The following DLG2 variants were observed in gnomAD, a reference collection of about 807,000 sequenced individuals.
DLG2 encodes disks large homolog 2.
In DLG2, 45 loss-of-function variants were observed where a neutral mutation model predicts 132.5. That is an observed-to-expected ratio of 0.34 (90% confidence interval 0.27 to 0.44). The LOEUF is 0.44. Ranked by LOEUF, DLG2 falls within the 20% of genes least tolerant of loss-of-function variation. The probability of loss-of-function intolerance (pLI) is 1.00; values close to 1 mark genes in which losing one functional copy is unlikely to be tolerated. For missense variants in DLG2, 1,045 were observed against 1,196.9 expected (o/e 0.87, Z 1.87); for synonymous variants, 424 against 419.6 (o/e 1.01, Z -0.13).
At chr11:84,936,556 A>C (rs2048770108) in intron 6 of DLG2, 1 of 152,128 alleles carries the variant, frequency 6.6e-6, no homozygotes, top group Non-Finnish European at 1.5e-5. Flanking sequence ...TGTGCAATAT[A>C]ATACAATTCT....
At chr11:85,418,279 C>A (rs1351079968) in intron 3 of DLG2, among the ~76,000 whole-genome samples, 1 of 152,184 alleles carries the variant, frequency 6.6e-6, no homozygotes, top group Non-Finnish European at 1.5e-5. Flanking sequence ...ATTCTGAGTT[C>A]TAATTTGATT....
In DLG2 at chr11:84,205,397, A is replaced by G. The variant is rs148599642; in HGVS notation, c.574-41886T>C. ...ACTATTGACCAAATTGGCACTATATATATTATAGAACACTCAGTATATGCA... is the reference window on the plus strand; with the variant it reads ...ACTATTGACCAAATTGGCACTATATGTATTATAGAACACTCAGTATATGCA... On this transcript the variant is annotated intron_variant, in intron 8 of 27. Transcript: ENST00000376104. Among the ~76,000 whole-genome samples, 359 of 152,282 alleles carry G rather than the reference A, an allele frequency of 2.4e-3. 1 individual carries two copies. The highest frequency in any genetic ancestry group is 8.1e-3 in the African/African-American group (338 of 41,568).
intron 6 of DLG2, among the ~76,000 whole-genome samples, chr11:84,966,120 TA>T (rs1352406559): frequency 2.0e-5 from 3 of 151,798 alleles, no homozygotes; most frequent in African/African-American, 7.3e-5. Context: ...GTAGCAAGAG[TA>T]AAGGTTACTC....
intron 14 of DLG2, among the ~76,000 whole-genome samples, chr11:83,962,350 C>T (rs894113427): frequency 1.3e-5 from 2 of 152,022 alleles, no homozygotes; most frequent in African/African-American, 2.4e-5. Flanking sequence ...TATGCCAGGT[C>T]GTCACCTTGG....
intron 4 of DLG2, among the ~76,000 whole-genome samples, chr11:85,170,454 G>T (rs896139577): frequency 3.3e-5 from 5 of 152,148 alleles, no homozygotes; most frequent in Admixed American, 3.3e-4. Context: ...GAGTAATTCT[G>T]CTTTCTATGA....
chr11:83,887,268 T>A (rs969287617), intron 15 of DLG2, among the ~76,000 whole-genome samples: 2 of 151,642 alleles, frequency 1.3e-5, no homozygotes, highest in African/African-American at 4.9e-5. Flanking sequence ...AAAGGGGATA[T>A]CACCACCGAT....
intron 6 of DLG2, among the ~76,000 whole-genome samples, chr11:84,974,582 G>C (rs1326481358): frequency 6.6e-6 from 1 of 152,162 alleles, no homozygotes; most frequent in Non-Finnish European, 1.5e-5. Flanking sequence ...AGAAAACTTT[G>C]CATGAACAAG....
chr11:83,759,218 A>T (rs1462109165), intron 18 of DLG2, among the ~76,000 whole-genome samples: 1 of 152,216 alleles, frequency 6.6e-6, no homozygotes, highest in Non-Finnish European at 1.5e-5. Context: ...TGGAAGCTTT[A>T]TAGAGGAGGG....
rs370833512 is a variant in DLG2 at position 83,844,993 on chromosome 11, C to T, written c.1566-11223G>A. 3.9e-5 allele frequency among the ~76,000 whole-genome samples: 6 copies of T among 152,018 alleles called. No individual in the cohort carries two copies. The East Asian group carries it at 9.6e-4, about 24-fold the overall frequency. On this transcript the variant is annotated intron_variant, in intron 16 of 27. Transcript: ENST00000376104. ...TGGTATCTTGAGTAGTTACATTTTG[C>T]ATCATATATTAAAAACATGGTATTA... is the stretch of plus-strand genomic sequence containing the variant.
At chr11:84,813,842 C>T (rs532457448) in intron 6 of DLG2, among the ~76,000 whole-genome samples, 1 of 133,408 alleles carries the variant, frequency 7.5e-6, no homozygotes, top group Non-Finnish European at 1.7e-5. Context: ...CTTCTCAGTA[C>T]CCCAGTGTTA....
chr11:85,130,624 C>A (rs2075619250), intron 5 of DLG2, among the ~76,000 whole-genome samples: 1 of 152,128 alleles, frequency 6.6e-6, no homozygotes, highest in South Asian at 2.1e-4. Flanking sequence ...TTCTGTAAAG[C>A]AATAATTGAA....
At chr11:85,544,839 G>C (rs992106310) in intron 3 of DLG2, among the ~76,000 whole-genome samples, 4 of 151,966 alleles carry the variant, frequency 2.6e-5, no homozygotes, top group Admixed American at 2.6e-4. Context: ...CATTGATTTT[G>C]TATCAATCAA....
intron 18 of DLG2, chr11:83,643,596 A>C (rs2067225194): frequency 6.6e-6 from 1 of 152,176 alleles, no homozygotes; most frequent in Non-Finnish European, 1.5e-5. Flanking sequence ...TATAAAAATC[A>C]TGGAGCCAGG....
chr11:84,594,765 T>G (rs779830724), intron 6 of DLG2, among the ~76,000 whole-genome samples: 2 of 152,212 alleles, frequency 1.3e-5, no homozygotes, highest in Non-Finnish European at 2.9e-5. Flanking sequence ...ACTGGAGACC[T>G]GCCACAGAGG....
intron 14 of DLG2, 145 bp from the exon 15 acceptor site, chr11:83,930,628 C>G: frequency 1.2e-6 from 1 of 821,408 alleles, no homozygotes; most frequent in Non-Finnish European, 1.8e-6. Flanking sequence ...CAATTTTCCA[C>G]TTGTAACTTT....
chr11:84,294,448 A>G (rs2098059062), intron 7 of DLG2, among the ~76,000 whole-genome samples: 2 of 151,994 alleles, frequency 1.3e-5, no homozygotes, highest in African/African-American at 4.8e-5. Flanking sequence ...AAATACAAAA[A>G]TAAGAAGGGT....
chr11:84,101,455 T>C (rs902423661), intron 9 of DLG2, among the ~76,000 whole-genome samples: 5 of 152,286 alleles, frequency 3.3e-5, no homozygotes, highest in East Asian at 1.9e-4. Flanking sequence ...GCATTTCGTA[T>C]GCAACTGACT....
In DLG2 at chr11:83,982,030, T is replaced by C. The variant is rs1454897798; in HGVS notation, c.920-1388A>G. On this transcript the variant is annotated intron_variant, in intron 11 of 27. Coordinates refer to ENST00000376104, the MANE Select transcript of DLG2 (RefSeq NM_001142699.3). ...TGACATCATAGTCATTGTAACATCATAGCATAATGATTACTAAGGTGTTTG... is the reference window on the plus strand; with the variant it reads ...TGACATCATAGTCATTGTAACATCACAGCATAATGATTACTAAGGTGTTTG... Among the ~76,000 whole-genome samples, 9 of 152,294 alleles carry C rather than the reference T, an allele frequency of 5.9e-5. No homozygotes were observed. In the South Asian group the frequency reaches 8.3e-4, roughly 14 times the overall value.
rs1232514941 is a variant in DLG2 at position 85,534,370 on chromosome 11, G to T, written c.40+64287C>A. 3.3e-5 allele frequency among the ~76,000 whole-genome samples: 5 copies of T among 151,652 alleles called. No homozygotes were observed. The South Asian group carries it at 8.3e-4, about 25-fold the overall frequency. On this transcript the variant is annotated intron_variant, in intron 3 of 27. Coordinates refer to ENST00000376104, the MANE Select transcript of DLG2 (RefSeq NM_001142699.3). ...AATTTTTTTTAATTTTAGATTTGGG[G>T]GTACTTATGCAGGTTTGTCACCCGG...
Sources: gnomAD v4.1 joint callset for allele counts (sites outside exome capture counted in the v4.1 genomes callset) on GRCh38, gnomAD v4.1.1 for gene constraint, MANE v1.5 for transcripts, NCBI Gene and HGNC (gene_info 2026-07-23, HGNC 2026-07-21) for gene names.